Variants in RASAL2 observed in about 807,000 individuals in gnomAD.
The protein encoded by RASAL2 is ras GTPase-activating protein nGAP.
A neutral mutation model predicts 128.9 loss-of-function variants in RASAL2; 58 were observed. The ratio of observed to expected loss-of-function variants is 0.45; its 90% confidence interval spans 0.36 to 0.56. The LOEUF is 0.56. Among genes scored for constraint, RASAL2 ranks in the 20% least tolerant of loss-of-function variants. RASAL2 has a pLI of 0.00. For missense variants in RASAL2, 1,360 were observed against 1,601.6 expected, an observed-to-expected ratio of 0.85 and a Z score of 2.57; for synonymous variants, 561 against 580.8, an observed-to-expected ratio of 0.97 and a Z score of 0.49.
intron 16 of RASAL2, among the ~76,000 whole-genome samples, chr1:178,466,943 A>G (rs993510096): frequency 2.0e-5 from 3 of 152,210 alleles, no homozygotes; most frequent in African/African-American, 7.2e-5. Flanking sequence ...CATACTAGGT[A>G]TAGAGTACTC....
chr1:178,465,877 C>A, intron 15 of RASAL2, 43 bp from the exon 16 acceptor site: 6 of 1,356,184 alleles, frequency 4.4e-6, no homozygotes, highest in South Asian at 2.9e-5. Flanking sequence ...TTTCTAAAAG[C>A]AATGTGACTC....
Position 178,426,692 on chromosome 1 carries a change from C to G in RASAL2, c.674+6072C>G, listed in dbSNP as rs752062929. Among the ~76,000 whole-genome samples the G allele has an allele frequency of 3.9e-5, 6 of 152,020 alleles. No individual in the cohort carries two copies. The East Asian group carries it at 7.7e-4, about 20-fold the overall frequency. ...GGTGGGGGGATGACATTGGAATTCT[C>G]AGTAGAAACAATGAAAACCAGACGT... On this transcript the variant is annotated intron_variant, in intron 5 of 17. Transcript: ENST00000367649.
chr1:178,124,840 A>C (rs1659840137), intron 1 of RASAL2, among the ~76,000 whole-genome samples: 1 of 152,216 alleles, frequency 6.6e-6, no homozygotes, highest in African/African-American at 2.4e-5. Flanking sequence ...TTTTTAAAAA[A>C]ACACATTTTT....
chr1:178,245,581 G>C lies in RASAL2; in HGVS notation c.203-37983G>C, dbSNP rs1664733482. ...GAGCAGAAGCTCTTTAGTTTAATTA[G>C]ATCCCATTTGTCAGTTTTGGCTTTT... On this transcript the variant is annotated intron_variant, in intron 1 of 17. Coordinates refer to ENST00000367649, the MANE Select transcript of RASAL2 (RefSeq NM_170692.4). Among the ~76,000 whole-genome samples, 2 of 152,126 alleles carry C rather than the reference G, an allele frequency of 1.3e-5. 1 individual carries two copies. The highest frequency in any genetic ancestry group is 1.3e-4 in the Admixed American group (2 of 15,262).
chr1:178,154,980 C>A (rs1248893591), intron 1 of RASAL2, among the ~76,000 whole-genome samples: 1 of 152,160 alleles, frequency 6.6e-6, no homozygotes, highest in Non-Finnish European at 1.5e-5. Flanking sequence ...TGTGCCACCA[C>A]GCCCAGCTAA....
At chr1:178,272,266 TG>T (rs1459401260) in intron 1 of RASAL2, among the ~76,000 whole-genome samples, 13 of 152,176 alleles carry the variant, frequency 8.5e-5, no homozygotes, top group African/African-American at 2.9e-4. Flanking sequence ...GAAGCTTTAT[TG>T]ATATGCTAGA....
At chr1:178,190,111 G>A (rs1571606727) in intron 1 of RASAL2, among the ~76,000 whole-genome samples, 1 of 152,148 alleles carries the variant, frequency 6.6e-6, no homozygotes, top group African/African-American at 2.4e-5. Flanking sequence ...TCCGCAGAAA[G>A]AATTATCTGG....
intron 3 of RASAL2, among the ~76,000 whole-genome samples, chr1:178,374,450 G>C (rs1411969598): frequency 6.6e-6 from 1 of 152,036 alleles, no homozygotes; most frequent in African/African-American, 2.4e-5. Context: ...CTCCAGAAGG[G>C]GGGATGCAAG....
chr1:178,229,250 A>G (rs1192704434), intron 1 of RASAL2, among the ~76,000 whole-genome samples: 1 of 152,184 alleles, frequency 6.6e-6, no homozygotes, highest in East Asian at 1.9e-4. Context: ...AAATTTTAAT[A>G]TTTTTGTAAT....
intron 5 of RASAL2, among the ~76,000 whole-genome samples, chr1:178,438,070 C>T (rs1676366966): frequency 6.7e-6 from 1 of 150,030 alleles, no homozygotes; most frequent in Admixed American, 6.6e-5. Flanking sequence ...TATCAGAACA[C>T]ATGTTTTGCA....
intron 1 of RASAL2, among the ~76,000 whole-genome samples, chr1:178,154,010 A>G (rs925959498): frequency 4.0e-5 from 6 of 151,456 alleles, no homozygotes; most frequent in Non-Finnish European, 8.8e-5. Context: ...TAATTTTTGT[A>G]CTTTTATTAG....
chr1:178,297,337 C>A (rs1314096220), intron 2 of RASAL2, among the ~76,000 whole-genome samples: 1 of 151,914 alleles, frequency 6.6e-6, no homozygotes, highest in East Asian at 1.9e-4. Context: ...TAGTGTGGCT[C>A]ATACCTGTAA....
At chr1:178,471,915 A>C (rs570012327) in intron 17 of RASAL2, among the ~76,000 whole-genome samples, 9 of 152,266 alleles carry the variant, frequency 5.9e-5, no homozygotes, top group African/African-American at 2.2e-4. Flanking sequence ...ACCATGACTA[A>C]ACTTTACCAT....
intron 1 of RASAL2, among the ~76,000 whole-genome samples, chr1:178,243,601 TC>T (rs1238940240): frequency 1.9e-4 from 23 of 120,276 alleles, no homozygotes; most frequent in Non-Finnish European, 2.8e-4. Flanking sequence ...CTTGTTGTTA[TC>T]AAAAAAAAAA....
chr1:178,133,211 C>A (rs537037895), intron 1 of RASAL2, among the ~76,000 whole-genome samples: 12 of 152,338 alleles, frequency 7.9e-5, no homozygotes, highest in African/African-American at 2.9e-4. Flanking sequence ...TTCGTTTCCT[C>A]ACTTCAACTT....
chr1:178,350,616 C>T (rs1396159847), intron 3 of RASAL2, among the ~76,000 whole-genome samples: 2 of 152,114 alleles, frequency 1.3e-5, no homozygotes, highest in African/African-American at 2.4e-5. Flanking sequence ...ATCAGCCAGA[C>T]CACACTCGTA....
At chr1:178,472,935 A>G (rs1415243513) in intron 17 of RASAL2, 140 bp from the exon 18 acceptor site, 6 of 930,266 alleles carry the variant, frequency 6.4e-6, no homozygotes, top group Admixed American at 5.3e-5. Context: ...GTGTGCAGAA[A>G]GAGGCAGAGA....
intron 4 of RASAL2, among the ~76,000 whole-genome samples, chr1:178,410,520 G>A (rs1359149997): frequency 2.6e-5 from 4 of 152,072 alleles, no homozygotes; most frequent in Non-Finnish European, 4.4e-5. Context: ...AAGATAAATA[G>A]ATGGAACCTA....
chr1:178,097,870 A>C (rs1044737588), intron 1 of RASAL2, among the ~76,000 whole-genome samples: 1 of 152,196 alleles, frequency 6.6e-6, no homozygotes, highest in South Asian at 2.1e-4. Context: ...GTACATATGT[A>C]TATATTGTCA....
Sources: gnomAD v4.1 joint callset for allele counts (sites outside exome capture counted in the v4.1 genomes callset) on GRCh38, gnomAD v4.1.1 for gene constraint, MANE v1.5 for transcripts, NCBI Gene and HGNC (gene_info 2026-07-23, HGNC 2026-07-21) for gene names.